Variants in ACTN2 observed in about 807,000 individuals in gnomAD.
The protein encoded by ACTN2 is actinin alpha 2.
A neutral mutation model predicts 113.8 loss-of-function variants in ACTN2; 39 were observed. That is an observed-to-expected ratio of 0.34 (90% CI 0.27 to 0.45). The LOEUF is 0.45. Ranked by LOEUF, ACTN2 falls within the 20% of genes least tolerant of loss-of-function variation. The probability of loss-of-function intolerance (pLI) is 1.00; values close to 1 mark genes in which losing one functional copy is unlikely to be tolerated. For synonymous variants in ACTN2, 429 were observed against 444.1 expected (o/e 0.97, Z 0.43); for missense variants, 992 against 1,177.9 (o/e 0.84, Z 2.31).
chr1:236,702,266 C>T (rs1572099061), intron 1 of ACTN2, among the ~76,000 whole-genome samples: 1 of 152,196 alleles, frequency 6.6e-6, no homozygotes, highest in Middle Eastern at 3.4e-3. Context: ...GTAAAGCTAG[C>T]CGACATCATT....
At chr1:236,723,938 G>C (rs1288145791) in intron 4 of ACTN2, among the ~76,000 whole-genome samples, 1 of 152,174 alleles carries the variant, frequency 6.6e-6, no homozygotes, top group African/African-American at 2.4e-5. Flanking sequence ...GCTTTGAGGA[G>C]CTGTTTAGAT....
At chr1:236,744,371 A>G (rs1659161206) in intron 11 of ACTN2, among the ~76,000 whole-genome samples, 1 of 152,166 alleles carries the variant, frequency 6.6e-6, no homozygotes, top group Non-Finnish European at 1.5e-5. Context: ...GTTTTTTTCT[A>G]AAAACGCACT....
At chr1:236,760,773 G>A (rs555350732) in intron 19 of ACTN2, among the ~76,000 whole-genome samples, 32 of 152,342 alleles carry the variant, frequency 2.1e-4, no homozygotes, top group Admixed American at 3.9e-4. Context: ...TCCCAGAGAG[G>A]AAAGACTTCT....
intron 1 of ACTN2, among the ~76,000 whole-genome samples, chr1:236,704,722 G>A (rs1421231185): frequency 6.6e-5 from 10 of 152,272 alleles, no homozygotes; most frequent in Middle Eastern, 3.4e-3. Context: ...CCAGCAGGTC[G>A]CCCTCCAGGA....
chr1:236,759,808 T>C lies in ACTN2; in HGVS notation c.2367+19T>C, dbSNP rs200202245. The C allele has an allele frequency of 1.9e-6, 3 of 1,604,112 alleles. No individual in the cohort carries two copies. Among genetic ancestry groups the C allele is most frequent in the African/African-American group, 1.3e-5 (1 of 74,858 alleles). On this transcript the variant is annotated intron_variant, in intron 19 of 20. Coordinates refer to ENST00000366578, the MANE Select transcript of ACTN2 (RefSeq NM_001103.4). ...TGACCTGGTAAGACAGAAGTTGAAATTGTACTAAGATTTGATATTTTATTG... is the reference window on the plus strand; with the variant it reads ...TGACCTGGTAAGACAGAAGTTGAAACTGTACTAAGATTTGATATTTTATTG...
chr1:236,704,817 T>C (rs1657778496), intron 1 of ACTN2, among the ~76,000 whole-genome samples: 1 of 152,144 alleles, frequency 6.6e-6, no homozygotes, highest in Non-Finnish European at 1.5e-5. Flanking sequence ...ATAGGCATAA[T>C]TGAAGCTTGG....
At chr1:236,690,624 G>A (rs905600779) in intron 1 of ACTN2, among the ~76,000 whole-genome samples, 1 of 152,184 alleles carries the variant, frequency 6.6e-6, no homozygotes, top group Non-Finnish European at 1.5e-5. Context: ...AAAGTGATCT[G>A]TAAATGTTCA....
Position 236,754,103 on chromosome 1 carries a change from C to T in ACTN2, c.1974+22C>T, listed in dbSNP as rs1261403156. 3.1e-6 allele frequency: 5 copies of T among 1,612,824 alleles called. No homozygotes were observed. The highest frequency in any genetic ancestry group is 1.7e-5 in the Admixed American group (1 of 60,012). ...GGAGGTAAGCCAGCGCCCTCCCAGG[C>T]GCTGTTCACAAGCCTTGCGATAAGT... On this transcript the variant is annotated intron_variant, in intron 16 of 20. Transcript: ENST00000366578. The surrounding 1 kb of genome is among the most constrained non-coding windows in gnomAD (Gnocchi z 4.9).
At chr1:236,702,487 A>G (rs1657707477) in intron 1 of ACTN2, among the ~76,000 whole-genome samples, 1 of 152,216 alleles carries the variant, frequency 6.6e-6, no homozygotes, top group Admixed American at 6.5e-5. Context: ...AAGTGTGTAC[A>G]TTTTGCCGAG....
chr1:236,698,243 G>A (rs1657576528), intron 1 of ACTN2, among the ~76,000 whole-genome samples: 1 of 150,450 alleles, frequency 6.6e-6, no homozygotes, highest in South Asian at 2.1e-4. Context: ...AAAACATGAT[G>A]TAGAATTAAA....
Position 236,754,029 on chromosome 1 carries a change from A to T in ACTN2, c.1922A>T (p.Gln641Leu). Residue 641 changes from glutamine (Q) to leucine (L), a missense_variant, in exon 16 of 21, where the codon CAG becomes CTG. Gln to Leu is a moderately radical substitution (Grantham distance 113). Around this residue, in one of 3 missense-constraint regions of ACTN2, gnomAD observed 736 missense variants for 815.4 expected, o/e 0.90. Coordinates refer to ENST00000366578, the MANE Select transcript of ACTN2 (RefSeq NM_001103.4). This position sits in a 1 kb window ranked among gnomAD's most constrained non-coding sequence, Gnocchi z 4.9. ...CATGCTAACGAGCGTCTGAGGCGCC[A>T]GTTTGCTGCCCAAGCCAATGCCATT... The part of the protein sequence containing the change: ...RQHANERLRR[Q>L]FAAQANAIGP... 6.2e-7 allele frequency: 1 copy of T among 1,614,128 alleles called. No homozygotes were observed. Among genetic ancestry groups the T allele is most frequent in the Non-Finnish European group, 8.5e-7 (1 of 1,180,032 alleles).
chr1:236,686,579 CG>C lies in ACTN2; in HGVS notation c.-94del. 7.4e-7 allele frequency: 1 copy of C among 1,346,078 alleles called. No homozygotes were observed. Among genetic ancestry groups the C allele is most frequent in the Non-Finnish European group, 9.5e-7 (1 of 1,050,032 alleles). 83.4% of individuals were successfully genotyped at this position (1,346,078 alleles called of 1,614,324 possible). On this transcript the variant is annotated 5_prime_UTR_variant, in exon 1 of 21. Transcript: ENST00000366578. ...CGCGCGAAGGTCACCCCGCGCCCGC[CG>C]CCCGCCGCCCGCCGCCTCCGTGGGT...
At chr1:236,728,531 C>T (rs919502444) in intron 6 of ACTN2, among the ~76,000 whole-genome samples, 1 of 152,082 alleles carries the variant, frequency 6.6e-6, no homozygotes, top group Non-Finnish European at 1.5e-5. Context: ...TTAACTCGTC[C>T]GTCACACAAG....
In ACTN2 at chr1:236,754,650, A is replaced by G. The variant is rs1215701663; in HGVS notation, c.1975-369A>G. 6.6e-6 allele frequency among the ~76,000 whole-genome samples: 1 copy of G among 152,138 alleles called. No homozygotes were observed. Among genetic ancestry groups the G allele is most frequent in the Non-Finnish European group, 1.5e-5 (1 of 68,042 alleles). On this transcript the variant is annotated intron_variant, in intron 16 of 20. Transcript: ENST00000366578. This position sits in a 1 kb window ranked among gnomAD's most constrained non-coding sequence, Gnocchi z 4.9. ...GGAGGAAGCATCCCGTGGGTCTTCAATCTGTCTGGCAGCTCCACCCAGGCA... is the reference window on the plus strand; with the variant it reads ...GGAGGAAGCATCCCGTGGGTCTTCAGTCTGTCTGGCAGCTCCACCCAGGCA...
intron 3 of ACTN2, among the ~76,000 whole-genome samples, chr1:236,719,398 CTG>C (rs769914729): frequency 3.3e-5 from 5 of 152,252 alleles, no homozygotes; most frequent in Non-Finnish European, 7.3e-5. Flanking sequence ...ACCCATATCT[CTG>C]TATGCACAAC....
intron 7 of ACTN2, among the ~76,000 whole-genome samples, chr1:236,733,665 C>T (rs550791882): frequency 3.9e-5 from 6 of 152,340 alleles, no homozygotes; most frequent in South Asian, 2.1e-4. Flanking sequence ...GATTTAGCCA[C>T]GCATTCCCTG....
At chr1:236,710,858 G>A (rs191890472) in intron 1 of ACTN2, among the ~76,000 whole-genome samples, 3 of 152,314 alleles carry the variant, frequency 2.0e-5, no homozygotes, top group African/African-American at 7.2e-5. Context: ...ATGATCTGAG[G>A]TGGAACAGTT....
chr1:236,755,614 A>T (rs764501192), intron 17 of ACTN2, among the ~76,000 whole-genome samples: 32 of 151,744 alleles, frequency 2.1e-4, no homozygotes, highest in Non-Finnish European at 4.1e-4. Flanking sequence ...GCCCGCTGCC[A>T]CTGTTAGAAT....
At chr1:236,724,208 C>T (rs1658480643) in intron 4 of ACTN2, among the ~76,000 whole-genome samples, 1 of 152,074 alleles carries the variant, frequency 6.6e-6, no homozygotes, top group African/African-American at 2.4e-5. Context: ...GGAGAACCTG[C>T]CAATGAGCAG....
Sources: allele counts gnomAD v4.1 joint callset (sites outside exome capture counted in the v4.1 genomes callset), GRCh38; gene constraint gnomAD v4.1.1; regional missense constraint gnomAD v4.1.1; non-coding constraint Gnocchi (gnomAD v3.1); transcripts MANE v1.5; gene names NCBI Gene and HGNC (gene_info 2026-07-23, HGNC 2026-07-21).